Variants in LOXL3 observed in about 807,000 individuals in gnomAD.
The protein encoded by LOXL3 is lysyl oxidase like 3.
A neutral mutation model predicts 91.8 loss-of-function variants in LOXL3; 60 were observed. The observed-to-expected ratio is 0.65, with a 90% CI of 0.53 to 0.81. The LOEUF is 0.81. LOXL3 is among the 30% of genes least tolerant of loss of function. The pLI, the probability that LOXL3 is intolerant of heterozygous loss-of-function variation, is 0.00. For missense variants in LOXL3, 874 were observed against 1,000.4 expected, an observed-to-expected ratio of 0.87 and a Z score of 1.70; for synonymous variants, 355 against 387.6, an observed-to-expected ratio of 0.92 and a Z score of 0.99.
chr2:74,537,482 A>C (rs982890743), intron 4 of LOXL3, among the ~76,000 whole-genome samples: 1 of 152,272 alleles, frequency 6.6e-6, no homozygotes, highest in African/African-American at 2.4e-5. Context: ...GGGCAGATGC[A>C]GCAAGAACAG....
intron 4 of LOXL3, among the ~76,000 whole-genome samples, chr2:74,547,568 A>G (rs573651041): frequency 1.3e-5 from 2 of 152,274 alleles, no homozygotes; most frequent in South Asian, 2.1e-4. Context: ...TAAAGTACCG[A>G]AAGTCCTCAG....
chr2:74,553,943 C>CAA (rs113018584), upstream of LOXL3: 33 of 130,984 alleles, frequency 2.5e-4, no homozygotes, highest in African/African-American at 6.2e-4. Flanking sequence ...CTAGGACTTC[C>CAA]AAAAAAAAAA....
upstream of LOXL3, chr2:74,554,586 G>A (rs1677258931): frequency 7.8e-6 from 5 of 640,222 alleles, no homozygotes; most frequent in Admixed American, 3.0e-5. The surrounding 1 kb of genome is among the most constrained non-coding windows in gnomAD (Gnocchi z 4.9). Context: ...GCTAATCCGG[G>A]GGTCTCCACC....
At chr2:74,548,728 T>C (rs1185447902) in intron 4 of LOXL3, among the ~76,000 whole-genome samples, 1 of 152,112 alleles carries the variant, frequency 6.6e-6, no homozygotes, top group Non-Finnish European at 1.5e-5. Flanking sequence ...GGGTGATGCG[T>C]TTCCCTGGAA....
rs772103250 is a variant in LOXL3, at chr2:74,549,515, C to G, written c.546G>C (p.Leu182=). 3 of 1,613,514 alleles carry G rather than the reference C, an allele frequency of 1.9e-6. No individual in the cohort carries two copies. The highest frequency in any genetic ancestry group is 1.7e-6 in the Non-Finnish European group (2 of 1,179,772). Residue 182 remains leucine (L), a synonymous_variant, in exon 4 of 14, where the codon CTG becomes CTC. Transcript: ENST00000264094. This position sits in a 1 kb window ranked among gnomAD's most constrained non-coding sequence, Gnocchi z 5.3. ...RPAVGWGRRP[L]PVTEGLVEVR... ...CTTCCACCAGCCCCTCCGTCACGGG[C>G]AGGGGTCGTCTGCCCCACCCAACGG... is the stretch of plus-strand genomic sequence containing the variant.
chr2:74,536,608 CCTCT>C lies in LOXL3; in HGVS notation c.912+97_912+100del. The stretch of plus-strand genomic sequence containing the variant: ...TCTGTGGCCCACCCCCTGGAAGGCT[CCTCT>C]CTGTCCTCAAAGGTCAGGGCTGTGC... On this transcript the variant is annotated intron_variant, in intron 5 of 13. Transcript: ENST00000264094. The surrounding 1 kb of genome is among the most constrained non-coding windows in gnomAD (Gnocchi z 4.5). 3 of 1,467,890 alleles carry C rather than the reference CCTCT, an allele frequency of 2.0e-6. No individual in the cohort carries two copies. Among genetic ancestry groups the C allele is most frequent in the Non-Finnish European group, 2.8e-6 (3 of 1,067,380 alleles). 90.9% of individuals were successfully genotyped at this position (1,467,890 alleles called of 1,614,324 possible). A position where few individuals can be genotyped will look rare whatever the true frequency, so the allele number is the denominator to read the frequency against.
rs919035559 is a variant in LOXL3, at chr2:74,535,273, C to T, written c.1579+19G>A. Reference sequence around the variant, plus strand: ...AGACACTCCCTTCCCTGGCATGCATCACCCCCTCCTTCACTCACTCTCAGA... The same window carrying T: ...AGACACTCCCTTCCCTGGCATGCATTACCCCCTCCTTCACTCACTCTCAGA... On this transcript the variant is annotated intron_variant, in intron 9 of 13. Transcript: ENST00000264094. This position sits in a 1 kb window ranked among gnomAD's most constrained non-coding sequence, Gnocchi z 4.2. 1 of 1,600,172 alleles carries T rather than the reference C, an allele frequency of 6.2e-7. No individual in the cohort carries two copies. The highest frequency in any genetic ancestry group is 1.3e-5 in the African/African-American group (1 of 74,650).
At chr2:74,543,900 C>CAAAAAAAAAAAAAAAAAAAAA (rs960168777) in intron 4 of LOXL3, among the ~76,000 whole-genome samples, 3 of 65,166 alleles carry the variant, frequency 4.6e-5, no homozygotes, top group African/African-American at 1.1e-4. Context: ...GGCTCTGTCT[C>CAAAAAAAAAAAAAAAAAAAAA]AAAAAAAAAA....
At chr2:74,534,871 TTTTG>T in intron 9 of LOXL3, 97 bp from the exon 10 acceptor site, 2 of 1,365,590 alleles carry the variant, frequency 1.5e-6, no homozygotes, top group South Asian at 2.8e-5. Flanking sequence ...AGTTTTTTGT[TTTTG>T]TTTTTGTTTG....
chr2:74,534,861 A>G (rs551929176), intron 9 of LOXL3, 87 bp from the exon 10 acceptor site: 23 of 1,448,562 alleles, frequency 1.6e-5, no homozygotes, highest in Middle Eastern at 2.5e-4. Flanking sequence ...GTGTAAGACT[A>G]GTTTTTTGTT....
intron 1 of LOXL3, chr2:74,553,033 G>GA (rs1677123279): frequency 5.0e-6 from 1 of 199,512 alleles, no homozygotes; most frequent in Non-Finnish European, 1.0e-5. Context: ...AAGACACAGA[G>GA]GAGAGAGACA....
At position 74,535,991 on chromosome 2, in the gene LOXL3, C is replaced by G; in HGVS notation, c.1248+5G>C. Reference sequence around the variant, plus strand: ...ACCTCAACCAAGGTAGAGAGGATGACTGACCCTGGTCTCTGCCCCAGTGTA... The same window carrying G: ...ACCTCAACCAAGGTAGAGAGGATGAGTGACCCTGGTCTCTGCCCCAGTGTA... On this transcript the variant is annotated splice_donor_5th_base_variant and intron_variant, in intron 7 of 13. Coordinates refer to ENST00000264094, the MANE Select transcript of LOXL3 (RefSeq NM_032603.5). This position sits in a 1 kb window ranked among gnomAD's most constrained non-coding sequence, Gnocchi z 4.2. 1 of 1,560,582 alleles carries G rather than the reference C, an allele frequency of 6.4e-7. No individual in the cohort carries two copies. Among genetic ancestry groups the G allele is most frequent in the Non-Finnish European group, 8.6e-7 (1 of 1,156,540 alleles).
At chr2:74,540,935 A>G (rs1676291476) in intron 4 of LOXL3, among the ~76,000 whole-genome samples, 1 of 152,174 alleles carries the variant, frequency 6.6e-6, no homozygotes, top group Non-Finnish European at 1.5e-5. Flanking sequence ...AAGTGCTGGG[A>G]TAACAGGCAT....
Position 74,535,009 on chromosome 2 carries a change from G to A in LOXL3, c.1580-235C>T, listed in dbSNP as rs1229737285. 1.3e-5 allele frequency among the ~76,000 whole-genome samples: 2 copies of A among 152,212 alleles called. No individual in the cohort carries two copies. Among genetic ancestry groups the A allele is most frequent in the Non-Finnish European group, 2.9e-5 (2 of 68,030 alleles). Reference sequence around the variant, plus strand: ...TTCTCCTGCCTCAGCCTCCCGAGTAGCTGGGATTATAGGCGCCTGCCACTG... The same window carrying A: ...TTCTCCTGCCTCAGCCTCCCGAGTAACTGGGATTATAGGCGCCTGCCACTG... On this transcript the variant is annotated intron_variant, in intron 9 of 13. Coordinates refer to ENST00000264094, the MANE Select transcript of LOXL3 (RefSeq NM_032603.5). This position sits in a 1 kb window ranked among gnomAD's most constrained non-coding sequence, Gnocchi z 4.2.
At chr2:74,540,388 GC>G (rs1467329701) in intron 4 of LOXL3, among the ~76,000 whole-genome samples, 1 of 152,230 alleles carries the variant, frequency 6.6e-6, no homozygotes, top group African/African-American at 2.4e-5. Context: ...GGCAGAACTA[GC>G]CTGAGTCAGG....
In LOXL3 at chr2:74,535,183, G is replaced by T; in HGVS notation, c.1579+109C>A. On this transcript the variant is annotated intron_variant, in intron 9 of 13. Transcript: ENST00000264094. The surrounding 1 kb of genome is among the most constrained non-coding windows in gnomAD (Gnocchi z 4.2). ...TGAGCCACTGCACCCGGCGAAACTG[G>T]CTCTTTTATGGGGAAGAAGTGCCCC... is the stretch of plus-strand genomic sequence containing the variant. The T allele has an allele frequency of 7.7e-7, 1 of 1,303,738 alleles. No individual in the cohort carries two copies. Among genetic ancestry groups the T allele is most frequent in the Non-Finnish European group, 1.0e-6 (1 of 957,778 alleles). 80.8% of individuals were successfully genotyped at this position (1,303,738 alleles called of 1,614,324 possible).
rs886359783 is a variant in LOXL3, at chr2:74,549,803, G to A, written c.478-220C>T. ...TGCTGTGCTCCCAGAGAGGATTCAG[G>A]GCACTAGGAAGGAGGCCCTCCCTGT... On this transcript the variant is annotated intron_variant, in intron 3 of 13. Coordinates refer to ENST00000264094, the MANE Select transcript of LOXL3 (RefSeq NM_032603.5). This position sits in a 1 kb window ranked among gnomAD's most constrained non-coding sequence, Gnocchi z 5.3. 2.8e-5 allele frequency: 39 copies of A among 1,412,696 alleles called. No individual in the cohort carries two copies. Among genetic ancestry groups the A allele is most frequent in the Non-Finnish European group, 3.2e-5 (35 of 1,087,872 alleles). 87.5% of individuals were successfully genotyped at this position (1,412,696 alleles called of 1,614,324 possible). A position where few individuals can be genotyped will look rare whatever the true frequency, so the allele number is the denominator to read the frequency against.
At position 74,535,336 on chromosome 2, in the gene LOXL3, T is replaced by C. The variant is rs773484661; in HGVS notation, c.1535A>G (p.Lys512Arg). The change falls in exon 9 of 14, where the codon AAG (lysine) becomes AGG (arginine). Residue 512 changes from lysine (K) to arginine (R), a missense_variant. Lys to Arg is a conservative substitution (Grantham distance 26, BLOSUM62 2). Transcript: ENST00000264094. The surrounding 1 kb of genome is among the most constrained non-coding windows in gnomAD (Gnocchi z 4.2). ...CAHHGTHITCKRTGTRFTAGV... is the reference protein window; with the variant it reads ...CAHHGTHITCRRTGTRFTAGV... ...AGCAGTGAAGCGGGTCCCTGTCCTCTTGCAGGTGATGTGGGTGCCATGATG... is the reference window on the plus strand; with the variant it reads ...AGCAGTGAAGCGGGTCCCTGTCCTCCTGCAGGTGATGTGGGTGCCATGATG... 6.2e-7 allele frequency: 1 copy of C among 1,614,082 alleles called. No individual in the cohort carries two copies. Among genetic ancestry groups the C allele is most frequent in the East Asian group, 2.2e-5 (1 of 44,882 alleles).
intron 2 of LOXL3, 49 bp downstream of exon 2, chr2:74,552,273 T>G (rs369374173): frequency 1.3e-6 from 2 of 1,540,368 alleles, no homozygotes. Flanking sequence ...TTCCCTGCAC[T>G]TTGGCCACAC....
Sources: allele counts gnomAD v4.1 joint callset (sites outside exome capture counted in the v4.1 genomes callset), GRCh38; gene constraint gnomAD v4.1.1; non-coding constraint Gnocchi (gnomAD v3.1); transcripts MANE v1.5; gene names NCBI Gene and HGNC (gene_info 2026-07-23, HGNC 2026-07-21).